Variants in PCDHA9 observed in about 807,000 individuals in gnomAD.
PCDHA9 encodes protocadherin alpha 9, also known as protocadherin alpha-9.
PCDHA9 carries 62 observed loss-of-function variants against 62.0 expected under a neutral mutation model. The ratio of observed to expected loss-of-function variants is 1.00; its 90% CI spans 0.81 to 1.23. PCDHA9 has a LOEUF of 1.23. PCDHA9 is among the 50% of genes most tolerant of loss of function. The pLI is 0.00. For missense variants in PCDHA9, 1,205 were observed against 1,249.8 expected, an observed-to-expected ratio of 0.96 and a Z score of 0.54; for synonymous variants, 557 against 567.6, an observed-to-expected ratio of 0.98 and a Z score of 0.27.
At chr5:140,980,173 G>GA (rs2096879198) in intron 2 of PCDHA9, among the ~76,000 whole-genome samples, 1 of 152,162 alleles carries the variant, frequency 6.6e-6, no homozygotes, top group Non-Finnish European at 1.5e-5. Flanking sequence ...GGTATCAGAA[G>GA]AAATTCTTTA....
At chr5:140,918,268 A>T (rs1554198508) in intron 1 of PCDHA9, among the ~76,000 whole-genome samples, 2 of 152,084 alleles carry the variant, frequency 1.3e-5, no homozygotes. Context: ...TGGAGGTTTT[A>T]TCAGATGTAG....
At chr5:140,882,092 A>C (rs59479) in intron 1 of PCDHA9, 748,334 of 1,137,016 alleles carry the variant, frequency 0.66, 247,467 homozygotes, top group African/African-American at 0.7. Flanking sequence ...CTTCACTGAG[A>C]ACGTTTCCGC....
chr5:140,984,426 G>A (rs781888913), intron 3 of PCDHA9, among the ~76,000 whole-genome samples: 2 of 152,160 alleles, frequency 1.3e-5, no homozygotes, highest in South Asian at 2.1e-4. Flanking sequence ...AGATAGAGAA[G>A]GGGATCTCCC....
chr5:140,914,187 A>G (rs2076635858), intron 1 of PCDHA9, among the ~76,000 whole-genome samples: 1 of 152,110 alleles, frequency 6.6e-6, no homozygotes, highest in African/African-American at 2.4e-5. Flanking sequence ...TTCTCCACCT[A>G]TTATTGTATT....
rs2150411434 is a variant in PCDHA9, at chr5:140,848,501, A to G, written c.6A>G (p.Leu2=). The change falls in exon 1 of 4, where the codon TTA becomes TTG. Residue 2 remains leucine, a synonymous_variant. Transcript: ENST00000532602. ...AAGAAGACTGAGTATTTGAAATGTTATACTCAAGTCGAGGAGATCCAGAGG... is the reference window on the plus strand; with the variant it reads ...AAGAAGACTGAGTATTTGAAATGTTGTACTCAAGTCGAGGAGATCCAGAGG... M[L]YSSRGDPEGQ... is the part of the protein sequence containing the mutation. 6.3e-7 allele frequency: 1 copy of G among 1,586,022 alleles called. No homozygotes were observed. Among genetic ancestry groups the G allele is most frequent in the African/African-American group, 1.4e-5 (1 of 74,052 alleles).
chr5:141,010,201 C>A lies in PCDHA9; in HGVS notation c.*264C>A, dbSNP rs782495760. On this transcript the variant is annotated 3_prime_UTR_variant, in exon 4 of 4. Transcript: ENST00000532602. ...GCAGACCCAAGTTTCCTTTCTCCTC[C>A]GCCGCAAAGGAGAGGCTTCCCAGCC... 5.0e-5 allele frequency: 77 copies of A among 1,551,916 alleles called. No individual in the cohort carries two copies. The highest frequency in any genetic ancestry group is 6.1e-5 in the Non-Finnish European group (70 of 1,147,084).
rs3806841 is a variant in PCDHA9, at chr5:140,855,953, T to C, written c.2394+5064T>C. On this transcript the variant is annotated intron_variant, in intron 1 of 3. Transcript: ENST00000532602. Reference sequence around the variant, plus strand: ...CATTCTGAGATCTCAGCCATTTCGATAAAAAATAGATATAAGAAATAGGAC... The same window carrying C: ...CATTCTGAGATCTCAGCCATTTCGACAAAAAATAGATATAAGAAATAGGAC... 9.7e-5 allele frequency: 134 copies of C among 1,381,096 alleles called. 3 individuals are homozygous for C. In the East Asian group the frequency reaches 3.0e-3, roughly 31 times the overall value. 85.6% of individuals were successfully genotyped at this position (1,381,096 alleles called of 1,614,324 possible).
chr5:140,856,771 T>A, intron 1 of PCDHA9: 1 of 1,596,918 alleles, frequency 6.3e-7, no homozygotes, highest in Non-Finnish European at 8.6e-7. Flanking sequence ...CCCCTATCTT[T>A]GACAGACCGG....
intron 1 of PCDHA9, among the ~76,000 whole-genome samples, chr5:140,941,191 T>TTTCTTTCTTCCTTTCTTCC (rs1487503403): frequency 1.1e-5 from 1 of 93,258 alleles, no homozygotes; most frequent in African/African-American, 3.9e-5. Flanking sequence ...GCTTCTTTTT[T>TTTCTTTCTTCCTTTCTTCC]TTTCTTTCTT....
In PCDHA9 at chr5:140,848,903, A is replaced by T; in HGVS notation, c.408A>T (p.Thr136=). The change falls in exon 1 of 4, where the codon ACA becomes ACT. Residue 136 remains threonine (T), a synonymous_variant. Coordinates refer to ENST00000532602, the MANE Select transcript of PCDHA9 (RefSeq NM_031857.2). ...ACAACCCTCCAGTGTTCCCAGCGAC[A>T]CAAAAGAATCTGTTCATCGCGGAAT... ...INDNPPVFPA[T]QKNLFIAESR... 6.2e-7 allele frequency: 1 copy of T among 1,607,734 alleles called. No individual in the cohort carries two copies. The highest frequency in any genetic ancestry group is 8.5e-7 in the Non-Finnish European group (1 of 1,176,678).
At chr5:140,885,107 T>G (rs2060471687) in intron 1 of PCDHA9, among the ~76,000 whole-genome samples, 1 of 152,238 alleles carries the variant, frequency 6.6e-6, no homozygotes, top group African/African-American at 2.4e-5. Context: ...TAAATGCTTT[T>G]TTTAAGTGCA....
chr5:140,944,276 A>C (rs2093633258), intron 1 of PCDHA9, among the ~76,000 whole-genome samples: 1 of 152,002 alleles, frequency 6.6e-6, no homozygotes, highest in Non-Finnish European at 1.5e-5. Flanking sequence ...CAGCCTTGAC[A>C]CCCCGGGCTC....
intron 1 of PCDHA9, chr5:140,928,165 C>G: frequency 6.2e-7 from 1 of 1,614,200 alleles, no homozygotes; most frequent in Non-Finnish European, 8.5e-7. Context: ...CTCACCCCCA[C>G]TTAGCACCCG....
At chr5:140,987,292 T>G (rs2097246000) in intron 3 of PCDHA9, among the ~76,000 whole-genome samples, 1 of 152,134 alleles carries the variant, frequency 6.6e-6, no homozygotes, top group African/African-American at 2.4e-5. Context: ...TTAACAAGCC[T>G]TCTATGTGAT....
At chr5:140,921,202 C>T (rs528515993) in intron 1 of PCDHA9, among the ~76,000 whole-genome samples, 20 of 151,968 alleles carry the variant, frequency 1.3e-4, no homozygotes, top group African/African-American at 3.6e-4. Context: ...AGATTGACAA[C>T]GATAATTCAC....
intron 1 of PCDHA9, chr5:140,928,602 GC>G: frequency 1.2e-6 from 2 of 1,614,176 alleles, no homozygotes; most frequent in Non-Finnish European, 1.7e-6. Flanking sequence ...TGGAAATTGT[GC>G]CCCGCTCTGC....
chr5:140,877,561 A>G (rs1582392588), intron 1 of PCDHA9: 1 of 1,613,748 alleles, frequency 6.2e-7, no homozygotes. Flanking sequence ...GGTGGATATT[A>G]ACGTGTACCT....
At chr5:140,970,554 G>A (rs72802985) in intron 1 of PCDHA9, among the ~76,000 whole-genome samples, 7,177 of 152,136 alleles carry the variant, frequency 0.047, 194 homozygotes, top group Non-Finnish European at 0.062. Context: ...TTGTGTGTTC[G>A]TCTCCATATG....
chr5:140,895,515 G>A (rs2065042106), intron 1 of PCDHA9, among the ~76,000 whole-genome samples: 1 of 151,948 alleles, frequency 6.6e-6, no homozygotes, highest in Non-Finnish European at 1.5e-5. Flanking sequence ...ATTTTTAATT[G>A]GTTTATTCGT....
Sources: gnomAD v4.1 joint callset for allele counts (sites outside exome capture counted in the v4.1 genomes callset) on GRCh38, gnomAD v4.1.1 for gene constraint, MANE v1.5 for transcripts, NCBI Gene and HGNC (gene_info 2026-07-23, HGNC 2026-07-21) for gene names.